Variants in ABCA12 observed in about 807,000 individuals in gnomAD.
ABCA12 encodes glucosylceramide transporter ABCA12.
In ABCA12, 156 loss-of-function variants were observed where a neutral mutation model predicts 293.5. The observed-to-expected ratio is 0.53, with a 90% CI of 0.47 to 0.61. The LOEUF (loss-of-function observed/expected upper bound fraction) is 0.61. Ranked by LOEUF, ABCA12 falls within the 20% of genes least tolerant of loss-of-function variation. The pLI is 0.00. For synonymous variants in ABCA12, 1,063 were observed against 1,108.0 expected (o/e 0.96, Z 0.81); for missense variants, 2,797 against 3,090.2 (o/e 0.91, Z 2.25).
intron 20 of ABCA12, 40 bp downstream of exon 20, chr2:215,004,169 A>G: frequency 6.6e-7 from 1 of 1,511,064 alleles, no homozygotes; most frequent in East Asian, 2.3e-5. Context: ...TATATGTCCG[A>G]CATGACTCAT....
chr2:215,065,170 ATT>A (rs1701616910), intron 2 of ABCA12, among the ~76,000 whole-genome samples: 2 of 151,852 alleles, frequency 1.3e-5, no homozygotes. Flanking sequence ...TCTTTTCACA[ATT>A]AGGTTTGCTA....
chr2:215,036,064 T>A (rs1438678770), intron 8 of ABCA12, among the ~76,000 whole-genome samples: 1 of 152,172 alleles, frequency 6.6e-6, no homozygotes, highest in Non-Finnish European at 1.5e-5. Flanking sequence ...CCTGTTTTTC[T>A]AATGGACGTC....
intron 11 of ABCA12, 64 bp from the exon 12 acceptor site, chr2:215,019,860 G>C (rs1403393488): frequency 6.4e-7 from 1 of 1,568,180 alleles, no homozygotes; most frequent in East Asian, 2.2e-5. Context: ...TATAGTAGTT[G>C]ATAATAAGCA....
intron 2 of ABCA12, among the ~76,000 whole-genome samples, chr2:215,104,878 T>C (rs548410887): frequency 6.6e-6 from 1 of 152,210 alleles, no homozygotes; most frequent in Non-Finnish European, 1.5e-5. Context: ...CTTTCCCCCA[T>C]ATGGGCATTA....
chr2:215,054,659 A>G lies in ABCA12; in HGVS notation c.323T>C (p.Ile108Thr), dbSNP rs1701385790. Residue 108 changes from isoleucine to threonine, a missense_variant, in exon 4 of 53, where the codon ATT (isoleucine) becomes ACT (threonine). Ile to Thr is a moderately conservative substitution (Grantham distance 89). This residue lies in a region of ABCA12 where 656 missense variants were observed against 638.2 expected (regional missense o/e 1.03). Transcript: ENST00000272895. Reference sequence around the variant, plus strand: ...ATCCAGGTTGGATGACTTTCTCAGAATCTCACTAGAGAAGAAAAAGCAAGA... The same window carrying G: ...ATCCAGGTTGGATGACTTTCTCAGAGTCTCACTAGAGAAGAAAAAGCAAGA... ...IDDALFKDSE[I>T]LRKSSNLDKD... 6.2e-7 allele frequency: 1 copy of G among 1,610,854 alleles called. No individual in the cohort carries two copies. Among genetic ancestry groups the G allele is most frequent in the Non-Finnish European group, 8.5e-7 (1 of 1,177,568 alleles).
rs777668389 is a variant in ABCA12, at chr2:215,052,592, CAAAG to C, written c.410-12_410-9del. The C allele has an allele frequency of 8.4e-5, 135 of 1,606,302 alleles. No homozygotes were observed. Among genetic ancestry groups the C allele is most frequent in the Non-Finnish European group, 1.2e-4 (135 of 1,173,850 alleles). The stretch of plus-strand genomic sequence containing the variant: ...GACTGGGAAATACTGTGGCTGTAAT[CAAAG>C]AAGGAACAGATTAGCATTCCACACA... On this transcript the variant is annotated splice_polypyrimidine_tract_variant and intron_variant, in intron 4 of 52. Transcript: ENST00000272895.
At chr2:214,936,019 T>G (rs1698207340) in intron 51 of ABCA12, among the ~76,000 whole-genome samples, 1 of 152,200 alleles carries the variant, frequency 6.6e-6, no homozygotes, top group African/African-American at 2.4e-5. Flanking sequence ...TCACATCAGT[T>G]TTGTGAAGTA....
chr2:215,126,663 T>G (rs1702930100), intron 1 of ABCA12, among the ~76,000 whole-genome samples: 1 of 152,202 alleles, frequency 6.6e-6, no homozygotes, highest in African/African-American at 2.4e-5. Flanking sequence ...GTTTTGTTTC[T>G]TAGTGAAGTT....
chr2:215,047,553 A>AT (rs1436952362), intron 6 of ABCA12, among the ~76,000 whole-genome samples: 4 of 152,232 alleles, frequency 2.6e-5, no homozygotes, highest in African/African-American at 9.6e-5. Flanking sequence ...TATTCAATAA[A>AT]TGACATTGGG....
rs907580261 is a variant in ABCA12 at position 214,934,078 on chromosome 2, C to T, written c.7680G>A (p.Glu2560=). The change falls in exon 52 of 53, where the codon GAG becomes GAA. Residue 2560 remains glutamate, a splice_region_variant and synonymous_variant. Coordinates refer to ENST00000272895, the MANE Select transcript of ABCA12 (RefSeq NM_173076.3). ...NFLVSQTTLE[E]VFINFAKDQK... is the part of the protein sequence containing the mutation. ...ACATGGATCGTGGTATATATCTTACCTCTTCCAGAGTGGTCTGACTCACTA... is the reference window on the plus strand; with the variant it reads ...ACATGGATCGTGGTATATATCTTACTTCTTCCAGAGTGGTCTGACTCACTA... The T allele has an allele frequency of 1.2e-6, 2 of 1,613,070 alleles. No homozygotes were observed. Among genetic ancestry groups the T allele is most frequent in the East Asian group, 2.2e-5 (1 of 44,856 alleles).
intron 15 of ABCA12, among the ~76,000 whole-genome samples, chr2:215,013,878 G>A (rs768768737): frequency 2.0e-5 from 3 of 152,048 alleles, no homozygotes; most frequent in Admixed American, 6.6e-5. Context: ...TGGTGCAAAC[G>A]GCAAATACAT....
chr2:214,968,694 AT>A, intron 38 of ABCA12, 25 bp downstream of exon 38: 1 of 1,601,666 alleles, frequency 6.2e-7, no homozygotes, highest in Non-Finnish European at 8.6e-7. Context: ...TTTGTATAAC[AT>A]TCCAGAAAAA....
chr2:214,948,511 G>A lies in ABCA12; in HGVS notation c.7104+85C>T, dbSNP rs1329020024. 8.4e-6 allele frequency: 12 copies of A among 1,436,204 alleles called. No homozygotes were observed. In the African/African-American group the frequency reaches 8.4e-5, roughly 10 times the overall value. 89.0% of individuals were successfully genotyped at this position (1,436,204 alleles called of 1,614,324 possible). Reference sequence around the variant, plus strand: ...TTTTGAGGGGAAATGGTGGGGCAGGGGGGACAGTGGGTGTGGTGGGGTGGG... The same window carrying A: ...TTTTGAGGGGAAATGGTGGGGCAGGAGGGACAGTGGGTGTGGTGGGGTGGG... On this transcript the variant is annotated intron_variant, in intron 47 of 52. Transcript: ENST00000272895.
intron 8 of ABCA12, among the ~76,000 whole-genome samples, chr2:215,034,415 G>A (rs1329153166): frequency 1.3e-5 from 2 of 152,078 alleles, no homozygotes; most frequent in African/African-American, 4.8e-5. Flanking sequence ...ATCAGAGTGT[G>A]GAGAGGAATG....
intron 2 of ABCA12, among the ~76,000 whole-genome samples, chr2:215,093,817 G>C (rs191110237): frequency 1.3e-5 from 2 of 152,070 alleles, no homozygotes; most frequent in East Asian, 1.9e-4. Flanking sequence ...ACTTCAATCC[G>C]GCCTCCCACA....
intron 43 of ABCA12, 38 bp downstream of exon 43, chr2:214,955,164 G>GAAGCTTTTGAT: frequency 6.2e-7 from 1 of 1,607,404 alleles, no homozygotes; most frequent in Non-Finnish European, 8.5e-7. Flanking sequence ...GGAACATGTT[G>GAAGCTTTTGAT]AAGCTTTTGA....
At position 215,000,806 on chromosome 2, in the gene ABCA12, A is replaced by G; in HGVS notation, c.3078T>C (p.Asp1026=). 1 of 1,614,118 alleles carries G rather than the reference A, an allele frequency of 6.2e-7. No individual in the cohort carries two copies. Among genetic ancestry groups the G allele is most frequent in the Non-Finnish European group, 8.5e-7 (1 of 1,179,998 alleles). ...ATTCAATGATTGCTCTTTCAATACT[A>G]TCCTGTAAATAAATAAAAGCCCTGC... is the stretch of plus-strand genomic sequence containing the variant. ...IYGRAFIYLQ[D]SIERAIIELQ... Residue 1026 remains aspartate, a synonymous_variant, in exon 22 of 53, where the codon GAT becomes GAC. Transcript: ENST00000272895.
rs76509016 is a variant in ABCA12 at position 215,046,753 on chromosome 2, C to T, written c.694-738G>A. 3.6e-4 allele frequency among the ~76,000 whole-genome samples: 55 copies of T among 152,010 alleles called. 1 individual carries two copies. In the East Asian group the frequency reaches 8.5e-3, roughly 23 times the overall value. On this transcript the variant is annotated intron_variant, in intron 6 of 52. Coordinates refer to ENST00000272895, the MANE Select transcript of ABCA12 (RefSeq NM_173076.3). Reference sequence around the variant, plus strand: ...TGCATTAAATGTAGATTATTGCTGTCTCATTTTTACCATTGTTGTTTAAGG... The same window carrying T: ...TGCATTAAATGTAGATTATTGCTGTTTCATTTTTACCATTGTTGTTTAAGG...
intron 16 of ABCA12, 79 bp from the exon 17 acceptor site, chr2:215,011,728 G>C: frequency 7.5e-7 from 1 of 1,336,216 alleles, no homozygotes; most frequent in Non-Finnish European, 1.1e-6. Context: ...AAGAGAACCT[G>C]ATAATACTTA....
Sources: gnomAD v4.1 joint callset for allele counts (sites outside exome capture counted in the v4.1 genomes callset) on GRCh38, gnomAD v4.1.1 for gene constraint, gnomAD v4.1.1 regional missense constraint, MANE v1.5 for transcripts, NCBI Gene and HGNC (gene_info 2026-07-23, HGNC 2026-07-21) for gene names.